Variants in CEP250 observed in about 807,000 individuals in gnomAD.
CEP250 encodes centrosomal protein 250.
Under a neutral mutation model 315.7 loss-of-function variants are expected in CEP250, and 242 were observed. That is an observed-to-expected ratio of 0.77 (90% confidence interval 0.69 to 0.85). CEP250 has a LOEUF of 0.85. Among genes scored for constraint, CEP250 ranks in the 40% least tolerant of loss-of-function variants. The pLI is 0.00. For missense variants in CEP250, 2,515 were observed against 2,886.4 expected, an observed-to-expected ratio of 0.87 and a Z score of 2.95; for synonymous variants, 1,088 against 1,175.0, an observed-to-expected ratio of 0.93 and a Z score of 1.51.
Position 35,469,897 on chromosome 20 carries a change from G to A in CEP250, c.859G>A (p.Glu287Lys), listed in dbSNP as rs142201582. 164 of 1,611,494 alleles carry A rather than the reference G, an allele frequency of 1.0e-4. No individual in the cohort carries two copies. Among genetic ancestry groups the A allele is most frequent in the South Asian group, 6.4e-4 (58 of 90,942 alleles). The change falls in exon 10 of 35, where the codon GAG becomes AAG. Residue 287 changes from glutamate (E) to lysine (K), a missense_variant. Transcript: ENST00000397527. Reference protein sequence around the residue: ...EKAELQDRVTELSALLTQSQK... With the variant: ...EKAELQDRVTKLSALLTQSQK... The stretch of plus-strand genomic sequence containing the variant: ...CTATGCTCTTCTCTTTAGGGTGACC[G>A]AGCTCTCTGCTCTGTTGACCCAGTC...
Position 35,473,950 on chromosome 20 carries a change from G to T in CEP250, c.1469G>T (p.Arg490Leu). 1 of 1,611,978 alleles carries T rather than the reference G, an allele frequency of 6.2e-7. No individual in the cohort carries two copies. Among genetic ancestry groups the T allele is most frequent in the Non-Finnish European group, 8.5e-7 (1 of 1,179,356 alleles). Reference sequence around the variant, plus strand: ...CTAGAGCAGGAGGCATGGCGCCTGCGAAGGGTAAATGTGGAGCTTCAGCTG... The same window carrying T: ...CTAGAGCAGGAGGCATGGCGCCTGCTAAGGGTAAATGTGGAGCTTCAGCTG... Reference protein sequence around the residue: ...EVLEQEAWRLRRVNVELQLQG... With the variant: ...EVLEQEAWRLLRVNVELQLQG... The change falls in exon 14 of 35, where the codon CGA becomes CTA. Residue 490 changes from arginine (R) to leucine (L), a missense_variant. Coordinates refer to ENST00000397527, the MANE Select transcript of CEP250 (RefSeq NM_007186.6).
rs186222729 is a variant in CEP250 at position 35,495,311 on chromosome 20, T to G, written c.3167+654T>G. ...CACAGCAAGGAGTTCGTAGTTTGAG[T>G]TTCATAGGAAACCTCTGGAGAATTT... On this transcript the variant is annotated intron_variant, in intron 24 of 34. Coordinates refer to ENST00000397527, the MANE Select transcript of CEP250 (RefSeq NM_007186.6). 4.0e-4 allele frequency among the ~76,000 whole-genome samples: 61 copies of G among 152,278 alleles called. No homozygotes were observed. In the East Asian group the frequency reaches 4.6e-3, roughly 12 times the overall value.
At chr20:35,499,431 A>G (rs1011058912) in intron 27 of CEP250, among the ~76,000 whole-genome samples, 3 of 152,212 alleles carry the variant, frequency 2.0e-5, no homozygotes, top group African/African-American at 7.2e-5. Flanking sequence ...GGCATGTTCT[A>G]GGCCTAGGTC....
At chr20:35,457,146 A>G (rs2062648842) in intron 1 of CEP250, among the ~76,000 whole-genome samples, 1 of 152,166 alleles carries the variant, frequency 6.6e-6, no homozygotes, top group Non-Finnish European at 1.5e-5. Context: ...TGGTGATAAT[A>G]TGGATCATGT....
intron 34 of CEP250, among the ~76,000 whole-genome samples, chr20:35,510,745 A>G (rs932122359): frequency 3.3e-5 from 5 of 152,240 alleles, no homozygotes; most frequent in African/African-American, 1.2e-4. Flanking sequence ...CTGAAATCCC[A>G]GCACTTTCGG....
intron 20 of CEP250, chr20:35,481,254 A>G (rs1296431269): frequency 1.3e-5 from 2 of 151,682 alleles, no homozygotes; most frequent in African/African-American, 2.4e-5. Context: ...CCCATTCCCT[A>G]CAAAAAAAAA....
chr20:35,489,002 G>A (rs1166453917), intron 20 of CEP250, among the ~76,000 whole-genome samples: 3 of 151,918 alleles, frequency 2.0e-5, no homozygotes, highest in Admixed American at 6.6e-5. Context: ...CCTGGCCAAC[G>A]TGGTGAAACC....
chr20:35,498,289 A>G (rs946509514), intron 26 of CEP250, among the ~76,000 whole-genome samples: 2 of 152,156 alleles, frequency 1.3e-5, no homozygotes, highest in Admixed American at 1.3e-4. Context: ...TCAACTACAA[A>G]ATGAGGATGT....
At chr20:35,476,256 G>A (rs757257018) in intron 15 of CEP250, 193 bp from the exon 16 acceptor site, 9 of 478,376 alleles carry the variant, frequency 1.9e-5, no homozygotes, top group Non-Finnish European at 3.0e-5. Flanking sequence ...CCTAACTTTG[G>A]TATCTCTATA....
intron 27 of CEP250, among the ~76,000 whole-genome samples, chr20:35,499,321 C>T (rs80313874): frequency 0.022 from 3,401 of 152,200 alleles, 142 homozygotes; most frequent in African/African-American, 0.077. Flanking sequence ...CATTGTTTTC[C>T]ATCATCTTCC....
Position 35,504,715 on chromosome 20 carries a change from A to AC in CEP250, c.6349dup (p.Gln2117ProfsTer26), listed in dbSNP as rs1301997775. 1 of 1,614,186 alleles carries AC rather than the reference A, an allele frequency of 6.2e-7. No homozygotes were observed. The highest frequency in any genetic ancestry group is 2.2e-5 in the East Asian group (1 of 44,882). ...ACAGGAGATTCTGGAGCTGAGGGAGACCCAGCAAAGGAACAACCTGGAAGC... is the reference window on the plus strand; with the variant it reads ...ACAGGAGATTCTGGAGCTGAGGGAGACCCCAGCAAAGGAACAACCTGGAAGC... On this transcript the variant is annotated frameshift_variant, in exon 30 of 35. Coordinates refer to ENST00000397527, the MANE Select transcript of CEP250 (RefSeq NM_007186.6). LOFTEE classifies it high-confidence loss of function.
intron 12 of CEP250, 73 bp from the exon 13 acceptor site, chr20:35,473,301 C>G (rs1233061429): frequency 5.8e-6 from 8 of 1,379,872 alleles, no homozygotes; most frequent in Non-Finnish European, 6.9e-6. Flanking sequence ...CTTCTCCAGC[C>G]CCACTTTCGG....
rs1432643438 is a variant in CEP250 at position 35,480,071 on chromosome 20, C to T, written c.2512C>T (p.Gln838Ter). 1 of 1,613,014 alleles carries T rather than the reference C, an allele frequency of 6.2e-7. No individual in the cohort carries two copies. The highest frequency in any genetic ancestry group is 1.1e-5 in the South Asian group (1 of 91,018). ...AGCCAGACAGCTGGCCCAGGCTGAG[C>T]AAGAAGGGAAGACTGCCTTGGAGCA... is the stretch of plus-strand genomic sequence containing the variant. ...AAARQLAQAEQEGKTALEQQK... is the reference protein window; with the variant it reads ...AAARQLAQAE The change falls in exon 20 of 35, where the codon CAA becomes TAA. Residue 838 changes from glutamine to a stop codon, truncating the protein, a stop_gained. Transcript: ENST00000397527. LOFTEE classifies it high-confidence loss of function.
intron 14 of CEP250, among the ~76,000 whole-genome samples, 188 bp from the exon 15 acceptor site, chr20:35,475,314 G>A (rs1162098277): frequency 6.6e-6 from 1 of 152,186 alleles, no homozygotes; most frequent in African/African-American, 2.4e-5. Flanking sequence ...ATAAAAGGTA[G>A]TGTATCATGT....
intron 24 of CEP250, among the ~76,000 whole-genome samples, chr20:35,496,134 C>T (rs907306596): frequency 5.3e-5 from 8 of 151,896 alleles, no homozygotes; most frequent in African/African-American, 1.2e-4. Context: ...ACATGTTGAA[C>T]GTGAGGTACT....
In CEP250 at chr20:35,457,660, G is replaced by C. The variant is rs575384275; in HGVS notation, c.-297-644G>C. Among the ~76,000 whole-genome samples the C allele has an allele frequency of 1.3e-4, 20 of 152,206 alleles. No individual in the cohort carries two copies. The East Asian group carries it at 3.9e-3, about 29-fold the overall frequency. On this transcript the variant is annotated intron_variant, in intron 1 of 34. Coordinates refer to ENST00000397527, the MANE Select transcript of CEP250 (RefSeq NM_007186.6). ...AAAAATACAAAAAAATTAGCTGGTC[G>C]TGGTGGCACATGCTTGTAATCCCAG...
intron 11 of CEP250, 150 bp downstream of exon 11, chr20:35,472,301 A>C (rs982615825): frequency 1.5e-4 from 96 of 620,442 alleles, no homozygotes; most frequent in Non-Finnish European, 2.6e-4. Flanking sequence ...GAAGACCAGA[A>C]CCCTAAGAGA....
At position 35,511,460 on chromosome 20, in the gene CEP250, A is replaced by G. The variant is rs772480349; in HGVS notation, c.7163A>G (p.His2388Arg). The G allele has an allele frequency of 6.8e-6, 11 of 1,613,898 alleles. No individual in the cohort carries two copies. In the African/African-American group the frequency reaches 1.5e-4, roughly 22 times the overall value. Reference protein sequence around the residue: ...AQTSRELAGLHHSLSHSLLAV... With the variant: ...AQTSRELAGLRHSLSHSLLAV... Reference sequence around the variant, plus strand: ...ACCAGCCGTGAGCTAGCAGGCCTGCACCACAGCCTCTCACACTCACTTCTT... The same window carrying G: ...ACCAGCCGTGAGCTAGCAGGCCTGCGCCACAGCCTCTCACACTCACTTCTT... Residue 2388 changes from histidine (H) to arginine (R), a missense_variant, in exon 35 of 35, where the codon CAC becomes CGC. Physicochemically the swap from His to Arg is conservative, Grantham distance 29. Coordinates refer to ENST00000397527, the MANE Select transcript of CEP250 (RefSeq NM_007186.6).
At chr20:35,470,214 T>C in intron 10 of CEP250, 2 of 586,062 alleles carry the variant, frequency 3.4e-6, no homozygotes, top group Non-Finnish European at 3.0e-6. Context: ...GAAATTGCAA[T>C]GGCATATGTA....
Sources: gnomAD v4.1 joint callset for allele counts (sites outside exome capture counted in the v4.1 genomes callset) on GRCh38, gnomAD v4.1.1 for gene constraint, MANE v1.5 for transcripts, NCBI Gene and HGNC (gene_info 2026-07-23, HGNC 2026-07-21) for gene names.